The following PTPN11 variants were observed in gnomAD, a reference collection of about 807,000 sequenced individuals.
The protein encoded by PTPN11 is protein tyrosine phosphatase non-receptor type 11.
PTPN11 carries 6 observed loss-of-function variants against 78.8 expected under a neutral mutation model. The observed-to-expected ratio is 0.08, with a 90% confidence interval of 0.04 to 0.15. PTPN11 has a LOEUF of 0.15. Among genes scored for constraint, PTPN11 ranks in the 10% least tolerant of loss-of-function variants. The probability of loss-of-function intolerance (pLI) is 1.00; values close to 1 mark genes in which losing one functional copy is unlikely to be tolerated. For synonymous variants in PTPN11, 221 were observed against 263.5 expected (o/e 0.84, Z 1.56); for missense variants, 386 against 744.8 (o/e 0.52, Z 5.61).
intron 6 of PTPN11, among the ~76,000 whole-genome samples, chr12:112,471,987 T>C (rs959665699): frequency 6.6e-6 from 1 of 151,506 alleles, no homozygotes; most frequent in African/African-American, 2.4e-5. Flanking sequence ...CCATGTCTGG[T>C]TTTTTGTCAT....
Position 112,453,184 on chromosome 12 carries a change from A to G in PTPN11, c.333-11A>G, listed in dbSNP as rs1239439521. 6.2e-6 allele frequency: 10 copies of G among 1,608,536 alleles called. No homozygotes were observed. Among genetic ancestry groups the G allele is most frequent in the South Asian group, 3.3e-5 (3 of 90,814 alleles). ...AGAGCTAAATTCTTTTTTATTTTTT[A>G]AAAACTTTAGGTGGTTTCATGGACA... On this transcript the variant is annotated splice_polypyrimidine_tract_variant and intron_variant, in intron 3 of 15. Transcript: ENST00000351677.
chr12:112,429,551 C>T (rs1263275662), intron 1 of PTPN11, among the ~76,000 whole-genome samples: 2 of 148,558 alleles, frequency 1.3e-5, no homozygotes, highest in African/African-American at 5.0e-5. Context: ...CCTGTAATCC[C>T]CGCACTTTGG....
intron 1 of PTPN11, among the ~76,000 whole-genome samples, chr12:112,442,830 TTA>T (rs71086107): frequency 0.038 from 1,644 of 43,250 alleles, 36 homozygotes; most frequent in Middle Eastern, 0.068. Flanking sequence ...CTCTCTCTTT[TTA>T]TATATATATA....
intron 6 of PTPN11, among the ~76,000 whole-genome samples, chr12:112,467,898 G>T (rs1249300806): frequency 6.6e-6 from 1 of 152,028 alleles, no homozygotes; most frequent in Non-Finnish European, 1.5e-5. Context: ...CTTCCTTTAG[G>T]CCCCACCTCC....
rs573408411 is a variant in PTPN11 at position 112,460,087 on chromosome 12, A to G, written c.756+4024A>G. On this transcript the variant is annotated intron_variant, in intron 6 of 15. Transcript: ENST00000351677. ...CTCAGCCTCCTGAGTAGCTGGGACT[A>G]CAGGTGCCCACCACCTCACCTGGCT... 2.0e-5 allele frequency among the ~76,000 whole-genome samples: 3 copies of G among 152,228 alleles called. No homozygotes were observed. In the East Asian group the frequency reaches 5.8e-4, roughly 29 times the overall value.
chr12:112,473,148 C>T (rs2038446514), intron 7 of PTPN11, 108 bp downstream of exon 7: 2 of 890,616 alleles, frequency 2.2e-6, no homozygotes, highest in African/African-American at 1.7e-5. Context: ...CATCGGAGGC[C>T]TTAGCTTCTT....
chr12:112,433,883 G>A (rs1228962711), intron 1 of PTPN11, among the ~76,000 whole-genome samples: 1 of 152,192 alleles, frequency 6.6e-6, no homozygotes, highest in Non-Finnish European at 1.5e-5. Flanking sequence ...GCTTGTGCCT[G>A]GCAGGTTGAG....
intron 13 of PTPN11, among the ~76,000 whole-genome samples, chr12:112,498,994 A>G (rs980446059): frequency 6.6e-6 from 1 of 152,198 alleles, no homozygotes; most frequent in African/African-American, 2.4e-5. Flanking sequence ...TAATCACTTT[A>G]TGTATTAATA....
chr12:112,479,207 T>C (rs750430460), intron 9 of PTPN11, among the ~76,000 whole-genome samples: 4 of 152,182 alleles, frequency 2.6e-5, no homozygotes, highest in Admixed American at 1.3e-4. Flanking sequence ...ACAGATCTTA[T>C]TGAGTGACAG....
chr12:112,504,162 C>G lies in PTPN11; in HGVS notation c.1713-533C>G, dbSNP rs2038907763. Reference sequence around the variant, plus strand: ...TTAAAACAACCTGCTTTCTGCCAGACCCCAGGGAGCACCAGGACTTGAGGC... The same window carrying G: ...TTAAAACAACCTGCTTTCTGCCAGAGCCCAGGGAGCACCAGGACTTGAGGC... On this transcript the variant is annotated intron_variant, in intron 14 of 15. Transcript: ENST00000351677. This position sits in a 1 kb window ranked among gnomAD's most constrained non-coding sequence, Gnocchi z 4.7. Among the ~76,000 whole-genome samples the G allele has an allele frequency of 6.6e-6, 1 of 152,170 alleles. No homozygotes were observed. The highest frequency in any genetic ancestry group is 2.4e-5 in the African/African-American group (1 of 41,432).
chr12:112,440,746 G>A (rs1049872151), intron 1 of PTPN11, among the ~76,000 whole-genome samples: 2 of 148,788 alleles, frequency 1.3e-5, no homozygotes, highest in African/African-American at 5.0e-5. Context: ...GCTAATTTTT[G>A]TATTTTTAGT....
chr12:112,487,123 C>T (rs931979044), intron 11 of PTPN11, among the ~76,000 whole-genome samples: 14 of 151,102 alleles, frequency 9.3e-5, no homozygotes, highest in African/African-American at 3.4e-4. Flanking sequence ...TGTTCTCTCT[C>T]TCTCTCTCTC....
intron 12 of PTPN11, 32 bp downstream of exon 12, chr12:112,488,542 T>A: frequency 6.4e-7 from 1 of 1,564,932 alleles, no homozygotes; most frequent in Non-Finnish European, 8.8e-7. Flanking sequence ...AAGCGACAGT[T>A]TCTGTTTTTA....
chr12:112,489,217 C>T (rs1445208095), intron 13 of PTPN11, 42 bp downstream of exon 13: 5 of 1,610,876 alleles, frequency 3.1e-6, no homozygotes, highest in Admixed American at 3.3e-5. Flanking sequence ...CATTCTCTTG[C>T]TAGGCCTCTT....
intron 3 of PTPN11, among the ~76,000 whole-genome samples, chr12:112,452,056 A>C (rs1050549052): frequency 2.7e-5 from 4 of 150,902 alleles, no homozygotes; most frequent in African/African-American, 9.8e-5. Flanking sequence ...TTGTATTTTT[A>C]GTAGAGACAG....
chr12:112,451,178 A>AT (rs1169421403), intron 3 of PTPN11, among the ~76,000 whole-genome samples: 2 of 152,016 alleles, frequency 1.3e-5, no homozygotes, highest in African/African-American at 2.4e-5. Flanking sequence ...TAGTTTGTAT[A>AT]TTTTGTGTCT....
chr12:112,425,962 G>T (rs1404889944), intron 1 of PTPN11, among the ~76,000 whole-genome samples: 1 of 152,064 alleles, frequency 6.6e-6, no homozygotes, highest in Admixed American at 6.6e-5. Context: ...CCAAGTGCTG[G>T]GGTTACACAC....
intron 6 of PTPN11, among the ~76,000 whole-genome samples, chr12:112,472,354 A>T (rs755497826): frequency 3.3e-4 from 50 of 151,904 alleles, no homozygotes; most frequent in Non-Finnish European, 5.9e-4. Context: ...TGGAGGTTTG[A>T]CTTTCTTTTC....
Position 112,467,079 on chromosome 12 carries a change from T to G in PTPN11, c.757-5865T>G, listed in dbSNP as rs1218091415. The stretch of plus-strand genomic sequence containing the variant: ...GGGTCTGGGCTGGGAAGCAGGAATG[T>G]TCAGTGGCCATAAATGTAAGGGTTG... On this transcript the variant is annotated intron_variant, in intron 6 of 15. Transcript: ENST00000351677. Among the ~76,000 whole-genome samples, 7 of 152,150 alleles carry G rather than the reference T, an allele frequency of 4.6e-5. No homozygotes were observed. In the East Asian group the frequency reaches 1.4e-3, roughly 29 times the overall value.
Sources: gnomAD v4.1 joint callset for allele counts (sites outside exome capture counted in the v4.1 genomes callset) on GRCh38, gnomAD v4.1.1 for gene constraint, Gnocchi (gnomAD v3.1) non-coding constraint, MANE v1.5 for transcripts, NCBI Gene and HGNC (gene_info 2026-07-23, HGNC 2026-07-21) for gene names.